MAGI1: variants seen among roughly 807,000 people sequenced by gnomAD.
The protein encoded by MAGI1 is membrane associated guanylate kinase, WW and PDZ domain containing 1, also known as membrane-associated guanylate kinase, WW and PDZ domain-containing protein 1.
MAGI1 carries 58 observed loss-of-function variants against 139.9 expected under a neutral mutation model. The ratio of observed to expected loss-of-function variants is 0.41; its 90% CI spans 0.34 to 0.52. The LOEUF is 0.52. Ranked by LOEUF, MAGI1 falls within the 20% of genes least tolerant of loss-of-function variation. The probability of loss-of-function intolerance (pLI) is 0.12; values close to 1 mark genes in which losing one functional copy is unlikely to be tolerated. For missense variants in MAGI1, 1,874 were observed against 1,901.6 expected (o/e 0.99, Z 0.27); for synonymous variants, 812 against 737.9 (o/e 1.10, Z -1.63).
At chr3:66,020,161 C>G (rs557712669) in intron 1 of MAGI1, among the ~76,000 whole-genome samples, 1 of 152,166 alleles carries the variant, frequency 6.6e-6, no homozygotes, top group African/African-American at 2.4e-5. Flanking sequence ...CCATCTTGGC[C>G]GGGCGCAGTG....
In MAGI1 at chr3:65,942,604, T is replaced by C. The variant is rs536273482; in HGVS notation, c.313+95392A>G. 5.3e-5 allele frequency among the ~76,000 whole-genome samples: 8 copies of C among 152,316 alleles called. No homozygotes were observed. In the South Asian group the frequency reaches 1.4e-3, roughly 28 times the overall value. ...TTACTGTCACTTTCTGATTTTACAGTTAAGTATATCATACAGAATGTTAGC... is the reference window on the plus strand; with the variant it reads ...TTACTGTCACTTTCTGATTTTACAGCTAAGTATATCATACAGAATGTTAGC... On this transcript the variant is annotated intron_variant, in intron 1 of 22. Transcript: ENST00000402939.
At chr3:65,681,434 A>G (rs923716903) in intron 1 of MAGI1, among the ~76,000 whole-genome samples, 1 of 152,214 alleles carries the variant, frequency 6.6e-6, no homozygotes, top group East Asian at 1.9e-4. Context: ...AACGTGAGTT[A>G]TATCATTTTT....
chr3:65,509,799 A>G (rs369300069), intron 2 of MAGI1, among the ~76,000 whole-genome samples: 10 of 152,162 alleles, frequency 6.6e-5, no homozygotes, highest in East Asian at 1.9e-4. Context: ...GGTGGAGCCC[A>G]CCACAGCTCA....
chr3:65,424,431 C>T (rs1441420112), intron 12 of MAGI1, among the ~76,000 whole-genome samples: 1 of 152,154 alleles, frequency 6.6e-6, no homozygotes, highest in East Asian at 1.9e-4. Context: ...CACATTACTG[C>T]TCTCTAGGAA....
chr3:65,375,194 T>TC (rs1383608234), intron 18 of MAGI1, among the ~76,000 whole-genome samples: 3 of 150,876 alleles, frequency 2.0e-5, no homozygotes, highest in Admixed American at 2.0e-4. Context: ...AAACTTTTTT[T>TC]TTTTTTTTTT....
intron 1 of MAGI1, among the ~76,000 whole-genome samples, chr3:65,660,809 GC>G (rs1288169428): frequency 4.6e-5 from 7 of 152,104 alleles, no homozygotes; most frequent in Admixed American, 2.0e-4. Context: ...ACCATGTCTC[GC>G]CTTCCATAAT....
chr3:66,003,125 T>G (rs773571208), intron 1 of MAGI1, among the ~76,000 whole-genome samples: 2 of 152,102 alleles, frequency 1.3e-5, no homozygotes, highest in Non-Finnish European at 2.9e-5. Flanking sequence ...TTGATACCTG[T>G]AAGACTGTGA....
At chr3:65,414,235 G>A (rs1425127101) in intron 12 of MAGI1, among the ~76,000 whole-genome samples, 1 of 152,142 alleles carries the variant, frequency 6.6e-6, no homozygotes, top group Non-Finnish European at 1.5e-5. Flanking sequence ...TGGATATTTT[G>A]GGGTGCCCTC....
At chr3:65,556,712 C>T (rs546866046) in intron 2 of MAGI1, among the ~76,000 whole-genome samples, 2 of 152,318 alleles carry the variant, frequency 1.3e-5, no homozygotes, top group Non-Finnish European at 2.9e-5. Flanking sequence ...CTATAATCCA[C>T]GCTGTTACAG....
intron 1 of MAGI1, among the ~76,000 whole-genome samples, chr3:65,832,044 A>T (rs2042559683): frequency 6.6e-6 from 1 of 152,208 alleles, no homozygotes; most frequent in Non-Finnish European, 1.5e-5. Flanking sequence ...TTTTGCTGTC[A>T]TCATTCAAGA....
chr3:65,808,775 C>T (rs1575574047), intron 1 of MAGI1, among the ~76,000 whole-genome samples: 1 of 151,330 alleles, frequency 6.6e-6, no homozygotes, highest in Non-Finnish European at 1.5e-5. Flanking sequence ...AGGACTTGCA[C>T]CGCACACAGG....
intron 18 of MAGI1, among the ~76,000 whole-genome samples, chr3:65,368,958 C>T (rs557924874): frequency 4.5e-4 from 69 of 152,304 alleles, no homozygotes; most frequent in African/African-American, 1.5e-3. Context: ...TGATTAAAGT[C>T]TCTCTCCCAC....
chr3:66,018,125 G>GGGGGGGGGT (rs1397856055), intron 1 of MAGI1, among the ~76,000 whole-genome samples: 2 of 135,874 alleles, frequency 1.5e-5, no homozygotes, highest in Admixed American at 7.5e-5. Context: ...GGGGGGGGGG[G>GGGGGGGGGT]TGTCTGCACA....
At chr3:65,630,675 T>C (rs929293734) in intron 1 of MAGI1, among the ~76,000 whole-genome samples, 4 of 152,148 alleles carry the variant, frequency 2.6e-5, no homozygotes, top group South Asian at 2.1e-4. Context: ...CAAAAAGACA[T>C]ACAGAGTGAT....
chr3:65,602,790 T>C (rs1217318700), intron 2 of MAGI1, among the ~76,000 whole-genome samples: 2 of 151,540 alleles, frequency 1.3e-5, no homozygotes, highest in East Asian at 1.9e-4. Context: ...AAGGAAAAAA[T>C]AGAGACAAAA....
chr3:65,640,419 C>T (rs2084921830), intron 1 of MAGI1, among the ~76,000 whole-genome samples: 1 of 152,168 alleles, frequency 6.6e-6, no homozygotes, highest in South Asian at 2.1e-4. Context: ...CTCTCCTGTT[C>T]TAAGAGCCTC....
intron 1 of MAGI1, among the ~76,000 whole-genome samples, chr3:65,783,858 C>G (rs185831838): frequency 2.0e-5 from 3 of 151,808 alleles, no homozygotes; most frequent in Non-Finnish European, 4.4e-5. Context: ...TGTGGTGGCC[C>G]TTGCCTGTAA....
intron 6 of MAGI1, among the ~76,000 whole-genome samples, chr3:65,449,617 A>G (rs182550497): frequency 6.6e-6 from 1 of 152,248 alleles, no homozygotes. Flanking sequence ...TCTATTAAAA[A>G]TACAAAAAAA....
At chr3:65,915,071 G>A (rs1324517911) in intron 1 of MAGI1, among the ~76,000 whole-genome samples, 1 of 152,186 alleles carries the variant, frequency 6.6e-6, no homozygotes, top group African/African-American at 2.4e-5. Flanking sequence ...CAAGGACAAA[G>A]TCAATCTCTT....
Sources: gnomAD v4.1 joint callset for allele counts (sites outside exome capture counted in the v4.1 genomes callset) on GRCh38, gnomAD v4.1.1 for gene constraint, MANE v1.5 for transcripts, NCBI Gene and HGNC (gene_info 2026-07-23, HGNC 2026-07-21) for gene names.